The following RAB28 variants were observed in gnomAD, a reference collection of about 807,000 sequenced individuals.
RAB28 encodes the protein RAB28, member RAS oncogene family, also known as ras-related protein Rab-28.
RAB28 carries 24 observed loss-of-function variants against 31.7 expected under a neutral mutation model. That is an observed-to-expected ratio of 0.76 (90% CI 0.55 to 1.06). The LOEUF is 1.06. Among genes scored for constraint, RAB28 ranks in the 50% least tolerant of loss-of-function variants. The pLI, the probability that RAB28 is intolerant of heterozygous loss-of-function variation, is 0.00. For synonymous variants in RAB28, 100 were observed against 90.4 expected, an observed-to-expected ratio of 1.11 and a Z score of -0.60; for missense variants, 254 against 258.5, an observed-to-expected ratio of 0.98 and a Z score of 0.12.
intron 6 of RAB28, chr4:13,371,491 T>C: frequency 2.0e-6 from 2 of 985,356 alleles, no homozygotes; most frequent in Non-Finnish European, 2.4e-6. Flanking sequence ...CAAAACATTT[T>C]GGTCCAAGTA....
At chr4:13,376,190 A>G (rs371692834) in intron 6 of RAB28, among the ~76,000 whole-genome samples, 56 of 152,248 alleles carry the variant, frequency 3.7e-4, no homozygotes, top group African/African-American at 1.2e-3. Flanking sequence ...TAATATCACT[A>G]CAGTCAAGGA....
intron 4 of RAB28, among the ~76,000 whole-genome samples, chr4:13,441,047 T>C (rs1181455837): frequency 6.6e-6 from 1 of 151,928 alleles, no homozygotes; most frequent in South Asian, 2.1e-4. Flanking sequence ...GAAAAAATCC[T>C]TGATTTTTTC....
At chr4:13,384,530 G>A (rs1439225538) in intron 4 of RAB28, among the ~76,000 whole-genome samples, 3 of 152,176 alleles carry the variant, frequency 2.0e-5, no homozygotes, top group African/African-American at 7.2e-5. Flanking sequence ...CTAACCTCGA[G>A]GAGTCAGAGA....
chr4:13,421,374 A>T (rs1343653649), intron 4 of RAB28, among the ~76,000 whole-genome samples: 1 of 152,182 alleles, frequency 6.6e-6, no homozygotes, highest in East Asian at 1.9e-4. Flanking sequence ...CAAGCTACTA[A>T]TGACTTTCTT....
chr4:13,479,810 A>G (rs1716528852), intron 1 of RAB28, among the ~76,000 whole-genome samples: 1 of 151,442 alleles, frequency 6.6e-6, no homozygotes, highest in African/African-American at 2.4e-5. Flanking sequence ...TTTGAGAGTT[A>G]TCAACAGAAA....
At chr4:13,430,351 T>C (rs1174122342) in intron 4 of RAB28, among the ~76,000 whole-genome samples, 1 of 151,890 alleles carries the variant, frequency 6.6e-6, no homozygotes, top group African/African-American at 2.4e-5. Flanking sequence ...AGGAAGAAGC[T>C]GGGGTGCAAA....
At chr4:13,401,120 T>C (rs1261869238) in intron 4 of RAB28, among the ~76,000 whole-genome samples, 1 of 152,184 alleles carries the variant, frequency 6.6e-6, no homozygotes, top group Non-Finnish European at 1.5e-5. Context: ...TCTGGAAAAG[T>C]TTATATACAA....
At chr4:13,425,888 T>C (rs547891012) in intron 4 of RAB28, among the ~76,000 whole-genome samples, 2 of 152,292 alleles carry the variant, frequency 1.3e-5, no homozygotes, top group South Asian at 2.1e-4. Context: ...CTAAACAATA[T>C]ACATGTGATT....
chr4:13,372,625 T>A (rs909309440), intron 6 of RAB28, among the ~76,000 whole-genome samples: 2 of 151,886 alleles, frequency 1.3e-5, no homozygotes, highest in African/African-American at 4.8e-5. Context: ...TGAGAAAATA[T>A]CCCCCTCAAG....
chr4:13,427,739 C>A (rs1179368866), intron 4 of RAB28, among the ~76,000 whole-genome samples: 2 of 151,962 alleles, frequency 1.3e-5, no homozygotes, highest in Non-Finnish European at 2.9e-5. Flanking sequence ...GCAAACGGAC[C>A]CGGGAGAGAG....
intron 4 of RAB28, among the ~76,000 whole-genome samples, chr4:13,435,734 A>T (rs1714061344): frequency 6.6e-6 from 1 of 152,184 alleles, no homozygotes; most frequent in Admixed American, 6.5e-5. Context: ...GCAATAAAAA[A>T]TATATTAAAC....
chr4:13,430,487 T>C (rs151228422), intron 4 of RAB28, among the ~76,000 whole-genome samples: 121 of 152,290 alleles, frequency 7.9e-4, no homozygotes, highest in Admixed American at 2.4e-3. Context: ...CACCAAACTG[T>C]TGGGTAGACT....
intron 4 of RAB28, among the ~76,000 whole-genome samples, chr4:13,414,881 TGAATA>T (rs1712656102): frequency 1.3e-5 from 2 of 152,210 alleles, no homozygotes; most frequent in South Asian, 4.1e-4. Context: ...AATATGAAGA[TGAATA>T]GGACAGGATG....
At chr4:13,466,363 C>A (rs1460990118) in intron 3 of RAB28, among the ~76,000 whole-genome samples, 1 of 151,676 alleles carries the variant, frequency 6.6e-6, no homozygotes, top group Non-Finnish European at 1.5e-5. Flanking sequence ...AACTCCAAAG[C>A]AAAACAAAAA....
intron 4 of RAB28, among the ~76,000 whole-genome samples, chr4:13,416,198 C>G (rs1422807054): frequency 6.6e-6 from 1 of 152,132 alleles, no homozygotes. Flanking sequence ...CCCTTCCACA[C>G]TGTGGAAGCT....
chr4:13,368,401 C>T lies in RAB28; in HGVS notation c.*157G>A, dbSNP rs1460662128. The T allele has an allele frequency of 5.5e-6, 7 of 1,264,056 alleles. No individual in the cohort carries two copies. The highest frequency in any genetic ancestry group is 7.0e-6 in the Non-Finnish European group (7 of 1,003,868). 78.3% of individuals were successfully genotyped at this position (1,264,056 alleles called of 1,614,324 possible). On this transcript the variant is annotated 3_prime_UTR_variant, in exon 7 of 7. Coordinates refer to ENST00000330852, the MANE Select transcript of RAB28 (RefSeq NM_001017979.3). ...AATTCTTTCAAATCCAAGGAGCTGC[C>T]TGCCACTGTGAGGCAATAGCAATGA...
At chr4:13,471,585 C>T (rs1376260207) in intron 3 of RAB28, among the ~76,000 whole-genome samples, 1 of 151,840 alleles carries the variant, frequency 6.6e-6, no homozygotes, top group East Asian at 1.9e-4. Flanking sequence ...CACTCCAGCC[C>T]CAAACTCCTG....
At chr4:13,397,966 A>C (rs1396412226) in intron 4 of RAB28, among the ~76,000 whole-genome samples, 4 of 152,002 alleles carry the variant, frequency 2.6e-5, no homozygotes, top group African/African-American at 9.7e-5. Flanking sequence ...AGTCACCAAA[A>C]CACCACCAAG....
chr4:13,421,178 C>A (rs995872574), intron 4 of RAB28, among the ~76,000 whole-genome samples: 2 of 152,050 alleles, frequency 1.3e-5, no homozygotes, highest in Admixed American at 6.6e-5. Flanking sequence ...GAATAAAATG[C>A]CTAGGAATCC....
Sources: allele counts gnomAD v4.1 joint callset (sites outside exome capture counted in the v4.1 genomes callset), GRCh38; gene constraint gnomAD v4.1.1; transcripts MANE v1.5; gene names NCBI Gene and HGNC (gene_info 2026-07-23, HGNC 2026-07-21).